Variants in TBC1D16 observed in about 807,000 individuals in gnomAD.
TBC1D16 encodes CTD-2529O21.1.
Under a neutral mutation model 74.7 loss-of-function variants are expected in TBC1D16, and 58 were observed. The observed-to-expected ratio is 0.78, with a 90% CI of 0.63 to 0.97. The LOEUF (loss-of-function observed/expected upper bound fraction) is 0.97. Ranked by LOEUF, TBC1D16 falls within the 50% of genes least tolerant of loss-of-function variation. TBC1D16 has a pLI of 0.00. For missense variants in TBC1D16, 1,014 were observed against 1,079.5 expected, an observed-to-expected ratio of 0.94 and a Z score of 0.85; for synonymous variants, 493 against 474.7, an observed-to-expected ratio of 1.04 and a Z score of -0.50.
At position 79,980,483 on chromosome 17, in the gene TBC1D16, G is replaced by C. The variant is rs1411792294; in HGVS notation, c.780-27665C>G. On this transcript the variant is annotated intron_variant, in intron 3 of 11. Transcript: ENST00000310924. This position sits in a 1 kb window ranked among gnomAD's most constrained non-coding sequence, Gnocchi z 7.0. Reference sequence around the variant, plus strand: ...TTGTGGGGTGGTGTAACCAGGGTTTGTCCAGAAAAAGACACAGAACCCGCA... The same window carrying C: ...TTGTGGGGTGGTGTAACCAGGGTTTCTCCAGAAAAAGACACAGAACCCGCA... Among the ~76,000 whole-genome samples the C allele has an allele frequency of 6.6e-6, 1 of 152,170 alleles. No individual in the cohort carries two copies. The highest frequency in any genetic ancestry group is 1.5e-5 in the Non-Finnish European group (1 of 68,042).
At chr17:80,020,123 C>T (rs1367639216) in intron 1 of TBC1D16, among the ~76,000 whole-genome samples, 1 of 149,620 alleles carries the variant, frequency 6.7e-6, no homozygotes, top group South Asian at 2.1e-4. Context: ...AGGCCTGGAG[C>T]AGCCCCTCCC....
At chr17:79,992,322 C>T (rs376030793) in intron 3 of TBC1D16, 7 of 152,324 alleles carry the variant, frequency 4.6e-5, no homozygotes, top group African/African-American at 1.4e-4. Flanking sequence ...TGGTCGCGCC[C>T]GAGACCATCT....
At chr17:80,025,603 GCTGGAAGCAC>G (rs1400514700) in intron 1 of TBC1D16, among the ~76,000 whole-genome samples, 6 of 148,250 alleles carry the variant, frequency 4.0e-5, no homozygotes, top group Admixed American at 6.6e-5. Context: ...GCACCTCCTT[GCTGGAAGCAC>G]CCCCCTGCCA....
intron 3 of TBC1D16, among the ~76,000 whole-genome samples, chr17:79,964,126 C>G (rs1172903817): frequency 2.6e-5 from 4 of 152,176 alleles, no homozygotes; most frequent in African/African-American, 9.7e-5. Flanking sequence ...CAGACATGCA[C>G]CACCACGCCC....
At chr17:80,024,860 T>C (rs111171056) in intron 1 of TBC1D16, among the ~76,000 whole-genome samples, 1,688 of 128,646 alleles carry the variant, frequency 0.013, 195 homozygotes, top group African/African-American at 0.049. Context: ...ACACCACAGA[T>C]ACATACATCA....
Position 79,943,851 on chromosome 17 carries a change from T to C in TBC1D16, c.1908+1057A>G. On this transcript the variant is annotated intron_variant, in intron 10 of 11. Transcript: ENST00000310924. The stretch of plus-strand genomic sequence containing the variant: ...AACGTAAAGGAATGAGGGCGGCAAA[T>C]CTGCCACTGGGAAAACGTGCAATGA... 4 of 1,381,432 alleles carry C rather than the reference T, an allele frequency of 2.9e-6. No individual in the cohort carries two copies. In the South Asian group the frequency reaches 4.6e-5, roughly 16 times the overall value. The allele number at this position is 1,381,432 out of a possible 1,614,324, so 85.6% of individuals were successfully genotyped here.
chr17:79,996,608 C>A (rs754945485), intron 3 of TBC1D16, among the ~76,000 whole-genome samples: 4 of 152,146 alleles, frequency 2.6e-5, no homozygotes, highest in Non-Finnish European at 1.5e-5. Flanking sequence ...AGGCCGGGAA[C>A]GGTGGCTCAC....
intron 2 of TBC1D16, among the ~76,000 whole-genome samples, chr17:80,012,816 G>A (rs2035942533): frequency 6.6e-6 from 1 of 152,172 alleles, no homozygotes; most frequent in African/African-American, 2.4e-5. Context: ...CAGGCTGCAG[G>A]ACACTGGGGC....
In TBC1D16 at chr17:79,944,264, G is replaced by A. The variant is rs1037778845; in HGVS notation, c.1908+644C>T. On this transcript the variant is annotated intron_variant, in intron 10 of 11. Coordinates refer to ENST00000310924, the MANE Select transcript of TBC1D16 (RefSeq NM_019020.4). This position sits in a 1 kb window ranked among gnomAD's most constrained non-coding sequence, Gnocchi z 7.7. ...AGGGTCCAGCCCTCCTGGATGCGTC[G>A]ATGTGAGTTTTTTTTTTAAAAGGCT... Among the ~76,000 whole-genome samples, 17 of 152,168 alleles carry A rather than the reference G, an allele frequency of 1.1e-4. No individual in the cohort carries two copies. Among genetic ancestry groups the A allele is most frequent in the Admixed American group, 5.2e-4 (8 of 15,284 alleles).
At chr17:79,968,422 A>G (rs2033930469) in intron 3 of TBC1D16, among the ~76,000 whole-genome samples, 1 of 152,262 alleles carries the variant, frequency 6.6e-6, no homozygotes. Context: ...AAAATGGATC[A>G]AAGACTTAAG....
chr17:79,947,945 G>C (rs1194513288), intron 8 of TBC1D16, 114 bp from the exon 9 acceptor site: 16 of 821,556 alleles, frequency 1.9e-5, no homozygotes, highest in Middle Eastern at 3.4e-4. Flanking sequence ...CTTCACCTCA[G>C]TGGAAGGCAG....
In TBC1D16 at chr17:79,986,753, C is replaced by T. The variant is rs547666687; in HGVS notation, c.779+23407G>A. Among the ~76,000 whole-genome samples, 3 of 152,308 alleles carry T rather than the reference C, an allele frequency of 2.0e-5. No individual in the cohort carries two copies. In the East Asian group the frequency reaches 5.8e-4, roughly 29 times the overall value. ...GTTTTCCCTTCCAAGGAAGGCTCTA[C>T]ACACCCGGCCCTCCTCAGAGCCTCA... On this transcript the variant is annotated intron_variant, in intron 3 of 11. Transcript: ENST00000310924. The surrounding 1 kb of genome is among the most constrained non-coding windows in gnomAD (Gnocchi z 6.0).
chr17:80,001,506 G>A lies in TBC1D16; in HGVS notation c.779+8654C>T, dbSNP rs1019526331. On this transcript the variant is annotated intron_variant, in intron 3 of 11. Transcript: ENST00000310924. The surrounding 1 kb of genome is among the most constrained non-coding windows in gnomAD (Gnocchi z 5.8). ...GCTGGGCCCGGAGGGGTGGGCGGGG[G>A]TTCCTGGAGCATCCTCAGGGGGCGG... is the stretch of plus-strand genomic sequence containing the variant. Among the ~76,000 whole-genome samples, 1 of 151,940 alleles carries A rather than the reference G, an allele frequency of 6.6e-6. No individual in the cohort carries two copies. The highest frequency in any genetic ancestry group is 2.4e-5 in the African/African-American group (1 of 41,364).
intron 3 of TBC1D16, among the ~76,000 whole-genome samples, chr17:79,962,152 A>G (rs1240664818): frequency 6.9e-6 from 1 of 144,176 alleles, no homozygotes; most frequent in East Asian, 2.0e-4. Context: ...TTTTCCAATT[A>G]TTTTATTGTG....
chr17:80,023,665 C>CGG (rs1484257196), intron 1 of TBC1D16, among the ~76,000 whole-genome samples: 1 of 142,754 alleles, frequency 7.0e-6, no homozygotes, highest in Non-Finnish European at 1.5e-5. Flanking sequence ...GGGCCCCCCC[C>CGG]CACCGGCTCA....
chr17:79,946,434 C>T (rs554608182), intron 9 of TBC1D16, among the ~76,000 whole-genome samples: 3 of 152,192 alleles, frequency 2.0e-5, no homozygotes, highest in African/African-American at 2.4e-5. Context: ...TCCTGCGGTG[C>T]GGCCAGTTCC....
At position 79,980,487 on chromosome 17, in the gene TBC1D16, A is replaced by G. The variant is rs1170879820; in HGVS notation, c.780-27669T>C. On this transcript the variant is annotated intron_variant, in intron 3 of 11. Transcript: ENST00000310924. This position sits in a 1 kb window ranked among gnomAD's most constrained non-coding sequence, Gnocchi z 7.0. The stretch of plus-strand genomic sequence containing the variant: ...GGGGTGGTGTAACCAGGGTTTGTCC[A>G]GAAAAAGACACAGAACCCGCAGGCC... Among the ~76,000 whole-genome samples the G allele has an allele frequency of 6.6e-6, 1 of 152,184 alleles. No individual in the cohort carries two copies. The highest frequency in any genetic ancestry group is 1.9e-4 in the East Asian group (1 of 5,184).
rs1171213888 is a variant in TBC1D16, at chr17:79,981,002, G to A, written c.780-28184C>T. Among the ~76,000 whole-genome samples the A allele has an allele frequency of 6.6e-6, 1 of 152,208 alleles. No individual in the cohort carries two copies. Among genetic ancestry groups the A allele is most frequent in the Non-Finnish European group, 1.5e-5 (1 of 68,038 alleles). On this transcript the variant is annotated intron_variant, in intron 3 of 11. Transcript: ENST00000310924. This position sits in a 1 kb window ranked among gnomAD's most constrained non-coding sequence, Gnocchi z 6.9. ...GCACCCCAACCCCAAAGGGCAAACA[G>A]TCATGATACCAATCACCAACATCCT...
intron 3 of TBC1D16, among the ~76,000 whole-genome samples, chr17:79,982,201 C>T (rs149276475): frequency 0.16 from 23,648 of 149,360 alleles, 2,006 homozygotes; most frequent in Non-Finnish European, 0.19. Context: ...GGCTGGAGTG[C>T]AGTGACACGA....
Sources: allele counts gnomAD v4.1 joint callset (sites outside exome capture counted in the v4.1 genomes callset), GRCh38; gene constraint gnomAD v4.1.1; non-coding constraint Gnocchi (gnomAD v3.1); transcripts MANE v1.5; gene names NCBI Gene and HGNC (gene_info 2026-07-23, HGNC 2026-07-21).